The following ACOT11 variants were observed in gnomAD, a reference collection of about 807,000 sequenced individuals.
ACOT11 encodes acyl-coenzyme A thioesterase 11.
Under a neutral mutation model 77.5 loss-of-function variants are expected in ACOT11, and 69 were observed. That is an observed-to-expected ratio of 0.89 (90% CI 0.73 to 1.09). The LOEUF is 1.09. ACOT11 is among the 50% of genes least tolerant of loss of function. The pLI is 0.00. For synonymous variants in ACOT11, 279 were observed against 313.0 expected (o/e 0.89, Z 1.15); for missense variants, 766 against 813.7 (o/e 0.94, Z 0.71).
At chr1:54,605,341 T>A in intron 13 of ACOT11, 132 bp downstream of exon 13, 1 of 1,238,684 alleles carries the variant, frequency 8.1e-7, no homozygotes, top group Non-Finnish European at 1.1e-6. Context: ...AGTTCCATGC[T>A]GGGTGGGGGT....
intron 1 of ACOT11, among the ~76,000 whole-genome samples, chr1:54,576,168 C>T (rs1654107724): frequency 6.6e-6 from 1 of 152,144 alleles, no homozygotes. Flanking sequence ...GAAGAAACTA[C>T]ATTCTTGTGT....
intron 7 of ACOT11, 177 bp downstream of exon 7, chr1:54,597,592 A>C: frequency 1.2e-6 from 1 of 815,598 alleles, no homozygotes; most frequent in Non-Finnish European, 1.9e-6. Context: ...TTCTACTAAA[A>C]AAGCTAGCAT....
chr1:54,560,061 T>C (rs1014409521), intron 1 of ACOT11, among the ~76,000 whole-genome samples: 2 of 152,128 alleles, frequency 1.3e-5, no homozygotes, highest in Admixed American at 6.5e-5. Context: ...AGAGGTGACA[T>C]TGGGGCAGTG....
At chr1:54,570,100 T>C (rs1415993312) in intron 1 of ACOT11, among the ~76,000 whole-genome samples, 1 of 152,220 alleles carries the variant, frequency 6.6e-6, no homozygotes, top group East Asian at 1.9e-4. Context: ...CCGAGCTGCT[T>C]TCTAGTGACT....
chr1:54,574,435 G>A (rs1334424089), intron 1 of ACOT11, among the ~76,000 whole-genome samples: 3 of 152,254 alleles, frequency 2.0e-5, no homozygotes, highest in Non-Finnish European at 2.9e-5. Context: ...GCTTGCCCAC[G>A]CTCCCCACTC....
intron 7 of ACOT11, 170 bp downstream of exon 7, chr1:54,597,585 T>C (rs1643903930): frequency 1.2e-6 from 1 of 865,374 alleles, no homozygotes; most frequent in Non-Finnish European, 1.7e-6. Flanking sequence ...TTCCTTGTTC[T>C]ACTAAAAAAG....
downstream of ACOT11, among the ~76,000 whole-genome samples, chr1:54,613,840 A>T (rs183460668): frequency 4.6e-5 from 7 of 152,310 alleles, no homozygotes; most frequent in Non-Finnish European, 4.4e-5. Context: ...AATTGGATGG[A>T]TGGAGGAAGA....
In ACOT11 at chr1:54,609,536, A is replaced by G. The variant is rs146657009; in HGVS notation, c.*424A>G. On this transcript the variant is annotated 3_prime_UTR_variant, in exon 16 of 16. Coordinates refer to ENST00000343744, the MANE Select transcript of ACOT11 (RefSeq NM_147161.4). Reference sequence around the variant, plus strand: ...CCAGAGCCCCTGGCACAACTCTAGCATATCTGTGAGCAGCTGTTCCCTGTA... The same window carrying G: ...CCAGAGCCCCTGGCACAACTCTAGCGTATCTGTGAGCAGCTGTTCCCTGTA... 481 of 1,612,866 alleles carry G rather than the reference A, an allele frequency of 3.0e-4. 2 individuals carry two copies. Among genetic ancestry groups the G allele is most frequent in the Middle Eastern group, 2.3e-3 (14 of 6,066 alleles).
chr1:54,606,541 C>T (rs530281177), intron 13 of ACOT11, among the ~76,000 whole-genome samples: 12 of 152,294 alleles, frequency 7.9e-5, no homozygotes, highest in Middle Eastern at 3.4e-3. Context: ...TACATCTCTG[C>T]CACCTGATAG....
intron 11 of ACOT11, 125 bp from the exon 12 acceptor site, chr1:54,604,221 C>T (rs763546404): frequency 3.3e-5 from 28 of 846,282 alleles, no homozygotes; most frequent in African/African-American, 1.2e-4. Flanking sequence ...CAGCACCTGC[C>T]GCACCACCCA....
At chr1:54,602,611 A>T in intron 9 of ACOT11, 58 bp from the exon 10 acceptor site, 1 of 1,411,038 alleles carries the variant, frequency 7.1e-7, no homozygotes, top group East Asian at 2.8e-5. Flanking sequence ...TGGGGGATGG[A>T]GAGGGGGCAG....
At chr1:54,617,743 T>TA in intron 15 of ACOT11, among the ~76,000 whole-genome samples, 1 of 123,458 alleles carries the variant, frequency 8.1e-6, no homozygotes, top group East Asian at 2.4e-4. Flanking sequence ...TTTTTTTTTT[T>TA]TATGAAGTCT....
intron 15 of ACOT11, chr1:54,623,202 G>A: frequency 3.1e-6 from 3 of 956,280 alleles, no homozygotes; most frequent in Non-Finnish European, 5.0e-6. Context: ...ACTGGTCAGA[G>A]CTGTAAGTGA....
chr1:54,584,873 G>T lies in ACOT11; in HGVS notation c.241+11G>T, dbSNP rs768552604. 4 of 1,606,184 alleles carry T rather than the reference G, an allele frequency of 2.5e-6. No homozygotes were observed. In the South Asian group the frequency reaches 3.3e-5, roughly 13 times the overall value. On this transcript the variant is annotated intron_variant, in intron 2 of 15. Coordinates refer to ENST00000343744, the MANE Select transcript of ACOT11 (RefSeq NM_147161.4). This position sits in a 1 kb window ranked among gnomAD's most constrained non-coding sequence, Gnocchi z 6.3. ...CGGCTTGCCTGTCCGGTAAGGCTGCGCTCCCCATGGTTCCCTACCTGCCCC... is the reference window on the plus strand; with the variant it reads ...CGGCTTGCCTGTCCGGTAAGGCTGCTCTCCCCATGGTTCCCTACCTGCCCC...
rs182704266 is a variant in ACOT11, at chr1:54,585,472, G to A, written c.242-363G>A. ...GAAGGGACGGGGGCTCCAGAAGGCC[G>A]GGAAGCAGGCCAGTGTGGTGTGATC... On this transcript the variant is annotated intron_variant, in intron 2 of 15. Coordinates refer to ENST00000343744, the MANE Select transcript of ACOT11 (RefSeq NM_147161.4). Among the ~76,000 whole-genome samples the A allele has an allele frequency of 4.6e-5, 7 of 152,310 alleles. No homozygotes were observed. In the East Asian group the frequency reaches 7.7e-4, roughly 17 times the overall value.
intron 15 of ACOT11, chr1:54,616,187 A>T (rs756429965): frequency 1.9e-6 from 3 of 1,602,804 alleles, no homozygotes; most frequent in Non-Finnish European, 8.5e-7. Flanking sequence ...GGAAGGGGCA[A>T]CAACTCAGTG....
chr1:54,571,394 G>T (rs1253668961), intron 1 of ACOT11, among the ~76,000 whole-genome samples: 1 of 152,200 alleles, frequency 6.6e-6, no homozygotes, highest in South Asian at 2.1e-4. Flanking sequence ...AGGTCTGATA[G>T]GGCTACTTTG....
In ACOT11 at chr1:54,625,095, C is replaced by A. The variant is rs1004953704; in HGVS notation, c.1630-5639C>A. The stretch of plus-strand genomic sequence containing the variant: ...TAGATGGACAGGACCCCATTCAACA[C>A]CCCCTCCCCACCACTGTGTATATCC... On this transcript the variant is annotated intron_variant, in intron 15 of 16. Transcript: ENST00000371316. Among the ~76,000 whole-genome samples the A allele has an allele frequency of 5.1e-5, 5 of 98,650 alleles. 1 individual carries two copies. Among genetic ancestry groups the A allele is most frequent in the Non-Finnish European group, 1.2e-4 (5 of 40,290 alleles). The allele number at this position is 98,650 out of a possible 152,430, so 64.7% of individuals were successfully genotyped here.
intron 1 of ACOT11, among the ~76,000 whole-genome samples, chr1:54,562,546 CCCA>C (rs1342330820): frequency 6.4e-5 from 3 of 46,838 alleles, no homozygotes; most frequent in South Asian, 6.3e-4. Flanking sequence ...GGGGGGCTGA[CCCA>C]CCCCCCACCT....
Sources: gnomAD v4.1 joint callset for allele counts (sites outside exome capture counted in the v4.1 genomes callset) on GRCh38, gnomAD v4.1.1 for gene constraint, Gnocchi (gnomAD v3.1) non-coding constraint, MANE v1.5 for transcripts, NCBI Gene and HGNC (gene_info 2026-07-23, HGNC 2026-07-21) for gene names.